Variants in CDKAL1 observed in about 807,000 individuals in gnomAD.
CDKAL1 encodes CDKAL1 threonylcarbamoyladenosine tRNA methylthiotransferase.
A neutral mutation model predicts 68.2 loss-of-function variants in CDKAL1; 32 were observed. That is an observed-to-expected ratio of 0.47 (90% confidence interval 0.35 to 0.63). The LOEUF is 0.63. Ranked by LOEUF, CDKAL1 falls within the 30% of genes least tolerant of loss-of-function variation. The probability of loss-of-function intolerance (pLI) is 0.00; values close to 1 mark genes in which losing one functional copy is unlikely to be tolerated. For missense variants in CDKAL1, 606 were observed against 696.7 expected, an observed-to-expected ratio of 0.87 and a Z score of 1.47; for synonymous variants, 234 against 244.3, an observed-to-expected ratio of 0.96 and a Z score of 0.39.
chr6:20,902,364 G>A (rs1033123992), intron 9 of CDKAL1, among the ~76,000 whole-genome samples: 3 of 144,838 alleles, frequency 2.1e-5, no homozygotes, highest in Admixed American at 6.8e-5. Flanking sequence ...CACACAATGT[G>A]TTTATTGGGC....
intron 9 of CDKAL1, among the ~76,000 whole-genome samples, chr6:20,914,665 A>G (rs1762639914): frequency 6.6e-6 from 1 of 152,224 alleles, no homozygotes; most frequent in African/African-American, 2.4e-5. Context: ...ATATTTCTGT[A>G]CTGTCTTCTA....
chr6:21,228,074 C>T (rs1316869097), intron 15 of CDKAL1, among the ~76,000 whole-genome samples: 3 of 152,180 alleles, frequency 2.0e-5, no homozygotes, highest in Admixed American at 2.0e-4. Context: ...GGCACAGGTT[C>T]AGAACCAAGG....
intron 12 of CDKAL1, among the ~76,000 whole-genome samples, chr6:21,105,539 G>A (rs1773801913): frequency 6.6e-6 from 1 of 152,172 alleles, no homozygotes; most frequent in Non-Finnish European, 1.5e-5. Context: ...TTATTTACAA[G>A]GTCCTTATTA....
rs961944894 is a variant in CDKAL1 at position 20,760,642 on chromosome 6, T to C, written c.517+1999T>C. Among the ~76,000 whole-genome samples the C allele has an allele frequency of 2.0e-5, 3 of 152,238 alleles. No homozygotes were observed. In the East Asian group the frequency reaches 5.8e-4, roughly 29 times the overall value. Reference sequence around the variant, plus strand: ...TACTGTGATTTATACGATACTGTTATTTCTTTGCTCTCTCACAGTTGAGAT... The same window carrying C: ...TACTGTGATTTATACGATACTGTTACTTCTTTGCTCTCTCACAGTTGAGAT... On this transcript the variant is annotated intron_variant, in intron 7 of 15. Coordinates refer to ENST00000274695, the MANE Select transcript of CDKAL1 (RefSeq NM_017774.3).
intron 6 of CDKAL1, among the ~76,000 whole-genome samples, chr6:20,756,366 A>G (rs1443523337): frequency 6.6e-6 from 1 of 152,196 alleles, no homozygotes; most frequent in African/African-American, 2.4e-5. Flanking sequence ...ATTCATTACT[A>G]CTGAACTCAC....
intron 6 of CDKAL1, 132 bp downstream of exon 6, chr6:20,739,747 C>T: frequency 2.0e-6 from 1 of 503,988 alleles, no homozygotes; most frequent in South Asian, 3.3e-5. Context: ...ACATATTTTC[C>T]TTATTGTCCC....
intron 10 of CDKAL1, among the ~76,000 whole-genome samples, chr6:20,999,605 C>T (rs763886388): frequency 1.4e-5 from 2 of 146,046 alleles, no homozygotes; most frequent in Non-Finnish European, 3.0e-5. Flanking sequence ...TGGCTGGCCT[C>T]ACTGTCGGGT....
At chr6:21,189,532 A>G (rs1778152495) in intron 13 of CDKAL1, among the ~76,000 whole-genome samples, 1 of 152,332 alleles carries the variant, frequency 6.6e-6, no homozygotes, top group African/African-American at 2.4e-5. Flanking sequence ...TTTAAGAATC[A>G]GTTAACCAGT....
At chr6:20,726,441 C>CCAA (rs1373355174) in intron 5 of CDKAL1, among the ~76,000 whole-genome samples, 2 of 152,312 alleles carry the variant, frequency 1.3e-5, no homozygotes, top group Admixed American at 1.3e-4. Flanking sequence ...TTCTCAGGAC[C>CCAA]TCTTGAGACT....
Position 21,108,880 on chromosome 6 carries a change from A to G in CDKAL1, c.1299+417A>G, listed in dbSNP as rs148914125. ...GTTATTTTTCTAAATGAAAATCCTA[A>G]TAAAAATTAGTACATAGCATCATGT... On this transcript the variant is annotated intron_variant, in intron 13 of 15. Transcript: ENST00000274695. Among the ~76,000 whole-genome samples, 457 of 152,310 alleles carry G rather than the reference A, an allele frequency of 3.0e-3. 6 individuals are homozygous for G. The highest frequency in any genetic ancestry group is 9.5e-3 in the African/African-American group (394 of 41,558).
At chr6:20,813,623 A>G (rs1241932809) in intron 8 of CDKAL1, among the ~76,000 whole-genome samples, 2 of 152,094 alleles carry the variant, frequency 1.3e-5, no homozygotes, top group African/African-American at 4.8e-5. Context: ...TAATTTTTCC[A>G]TGTTGTATGA....
At position 20,846,130 on chromosome 6, in the gene CDKAL1, A is replaced by C; in HGVS notation, c.694A>C (p.Ser232Arg). The change falls in exon 9 of 16, where the codon AGT becomes CGT. Residue 232 changes from serine to arginine, a missense_variant. Ser to Arg is a moderately radical substitution (Grantham distance 110). Transcript: ENST00000274695. Reference sequence around the variant, plus strand: ...TAAACACGCCAGAGGAAATTTGGCCAGTTATCCAATTGATGAACTAGTAGA... The same window carrying C: ...TAAACACGCCAGAGGAAATTTGGCCCGTTATCCAATTGATGAACTAGTAGA... The part of the protein sequence containing the change: ...KTKHARGNLA[S>R]YPIDELVDRA... The C allele has an allele frequency of 6.2e-7, 1 of 1,613,388 alleles. No individual in the cohort carries two copies. Among genetic ancestry groups the C allele is most frequent in the East Asian group, 2.2e-5 (1 of 44,782 alleles).
chr6:20,739,727 G>A (rs62399286), intron 6 of CDKAL1, 112 bp downstream of exon 6: 27,077 of 562,734 alleles, frequency 0.048, 814 homozygotes, highest in African/African-American at 0.1. Context: ...TACACTTATG[G>A]CTGTCCTAAA....
At chr6:20,736,213 G>A (rs1773187009) in intron 5 of CDKAL1, among the ~76,000 whole-genome samples, 1 of 151,940 alleles carries the variant, frequency 6.6e-6, no homozygotes. Flanking sequence ...TGTAAATAAA[G>A]TTTTATTAAT....
intron 13 of CDKAL1, among the ~76,000 whole-genome samples, chr6:21,167,588 A>G (rs930925083): frequency 1.1e-4 from 16 of 152,196 alleles, no homozygotes; most frequent in Non-Finnish European, 2.1e-4. Context: ...GGCAAGTCCA[A>G]GATTCTCAGT....
intron 4 of CDKAL1, among the ~76,000 whole-genome samples, chr6:20,575,208 G>A (rs924665814): frequency 3.3e-5 from 5 of 151,620 alleles, no homozygotes; most frequent in Admixed American, 2.6e-4. Flanking sequence ...ATTTAATTTT[G>A]GCCATATCTA....
intron 13 of CDKAL1, among the ~76,000 whole-genome samples, chr6:21,171,172 G>T (rs761812077): frequency 1.8e-4 from 27 of 151,938 alleles, no homozygotes; most frequent in Non-Finnish European, 3.7e-4. Flanking sequence ...TAGACCTTGG[G>T]TATTTATTTT....
chr6:21,013,810 A>C (rs892628347), intron 11 of CDKAL1, among the ~76,000 whole-genome samples: 3 of 152,272 alleles, frequency 2.0e-5, no homozygotes, highest in Admixed American at 6.5e-5. Context: ...TCCCACTTTG[A>C]TTGGATTGGT....
intron 10 of CDKAL1, among the ~76,000 whole-genome samples, chr6:20,989,944 A>T (rs140333655): frequency 5.8e-4 from 88 of 152,254 alleles, no homozygotes; most frequent in Middle Eastern, 3.4e-3. Context: ...GCAGAATAAT[A>T]ATTTAAAAAT....
Sources: allele counts gnomAD v4.1 joint callset (sites outside exome capture counted in the v4.1 genomes callset), GRCh38; gene constraint gnomAD v4.1.1; transcripts MANE v1.5; gene names NCBI Gene and HGNC (gene_info 2026-07-23, HGNC 2026-07-21).